The following ADAMTSL1 variants were observed in gnomAD, a reference collection of about 807,000 sequenced individuals.
The protein encoded by ADAMTSL1 is ADAMTS-like protein 1.
In ADAMTSL1, 126 loss-of-function variants were observed where a neutral mutation model predicts 201.8. That is an observed-to-expected ratio of 0.62 (90% confidence interval 0.54 to 0.72). ADAMTSL1 has a LOEUF of 0.72. Among genes scored for constraint, ADAMTSL1 ranks in the 30% least tolerant of loss-of-function variants. The pLI, the probability that ADAMTSL1 is intolerant of heterozygous loss-of-function variation, is 0.00. For synonymous variants in ADAMTSL1, 1,121 were observed against 903.4 expected (o/e 1.24, Z -4.32); for missense variants, 2,679 against 2,277.8 (o/e 1.18, Z -3.59).
chr9:18,751,353 G>A (rs1302526515), intron 15 of ADAMTSL1, among the ~76,000 whole-genome samples: 2 of 152,176 alleles, frequency 1.3e-5, no homozygotes, highest in African/African-American at 4.8e-5. Flanking sequence ...AAAGTGCAGA[G>A]GCTCTAGAGC....
At chr9:18,292,094 C>G (rs1025240134) in intron 2 of ADAMTSL1, among the ~76,000 whole-genome samples, 14 of 152,104 alleles carry the variant, frequency 9.2e-5, no homozygotes, top group African/African-American at 3.4e-4. Flanking sequence ...TGTGTCAGAG[C>G]AGTGTTAGGC....
At chr9:18,283,040 A>G (rs1832854015) in intron 2 of ADAMTSL1, among the ~76,000 whole-genome samples, 1 of 152,258 alleles carries the variant, frequency 6.6e-6, no homozygotes, top group Admixed American at 6.5e-5. Context: ...GTTGTTTAAA[A>G]GAAGAGAATT....
Position 18,617,661 on chromosome 9 carries a change from T to A in ADAMTSL1, c.475-4582T>A, listed in dbSNP as rs183880605. On this transcript the variant is annotated intron_variant, in intron 4 of 28. Transcript: ENST00000380548. ...ACACATATATGTATATAAGAGAGGG[T>A]ACAAAAAGCATACATTTAAGATATG... Among the ~76,000 whole-genome samples the A allele has an allele frequency of 2.6e-4, 39 of 152,138 alleles. No homozygotes were observed. In the East Asian group the frequency reaches 7.5e-3, roughly 29 times the overall value.
chr9:18,323,972 G>C (rs1326559537), intron 2 of ADAMTSL1, among the ~76,000 whole-genome samples: 6 of 152,084 alleles, frequency 3.9e-5, no homozygotes, highest in African/African-American at 1.4e-4. Flanking sequence ...ACATTGACAA[G>C]CTTATTTTGT....
intron 1 of ADAMTSL1, among the ~76,000 whole-genome samples, chr9:18,156,620 GCA>G (rs1235678985): frequency 7.6e-6 from 1 of 131,978 alleles, no homozygotes; most frequent in African/African-American, 2.7e-5. Context: ...AAGATTTAAA[GCA>G]CAGACATAAA....
chr9:17,972,578 G>T (rs1170934424), intron 1 of ADAMTSL1, among the ~76,000 whole-genome samples: 4 of 151,828 alleles, frequency 2.6e-5, no homozygotes, highest in Non-Finnish European at 5.9e-5. Flanking sequence ...GGACATTTAG[G>T]TTGGTTCCAA....
chr9:18,355,001 C>A (rs1461415122), intron 2 of ADAMTSL1, among the ~76,000 whole-genome samples: 3 of 151,982 alleles, frequency 2.0e-5, no homozygotes, highest in Non-Finnish European at 4.4e-5. Flanking sequence ...AACAAACAAA[C>A]AGACTAAGAA....
At chr9:18,901,845 G>C (rs1022223597) in intron 26 of ADAMTSL1, among the ~76,000 whole-genome samples, 1 of 152,036 alleles carries the variant, frequency 6.6e-6, no homozygotes, top group Non-Finnish European at 1.5e-5. Flanking sequence ...AACCCCCAAA[G>C]GCATAGATTG....
intron 21 of ADAMTSL1, among the ~76,000 whole-genome samples, chr9:18,819,919 A>G (rs1824106280): frequency 6.6e-6 from 1 of 152,250 alleles, no homozygotes; most frequent in African/African-American, 2.4e-5. Flanking sequence ...TATAATGCTA[A>G]ATGCCAAATG....
intron 15 of ADAMTSL1, among the ~76,000 whole-genome samples, chr9:18,742,711 C>A (rs1313162810): frequency 1.3e-5 from 2 of 151,826 alleles, no homozygotes; most frequent in African/African-American, 2.4e-5. Flanking sequence ...AGTGGCTGTG[C>A]CTGGCAGAAA....
intron 5 of ADAMTSL1, among the ~76,000 whole-genome samples, chr9:18,634,706 T>C (rs1375057327): frequency 6.6e-6 from 1 of 150,518 alleles, no homozygotes; most frequent in Non-Finnish European, 1.5e-5. Flanking sequence ...GGCGTGATGG[T>C]GGGCGCCTAT....
intron 1 of ADAMTSL1, among the ~76,000 whole-genome samples, chr9:18,019,598 C>T (rs368414607): frequency 1.3e-5 from 2 of 151,994 alleles, no homozygotes; most frequent in African/African-American, 4.8e-5. Flanking sequence ...AGCAGGAGCC[C>T]AAGGTAGAGA....
At chr9:18,621,177 T>C (rs1232930415) in intron 4 of ADAMTSL1, among the ~76,000 whole-genome samples, 1 of 152,162 alleles carries the variant, frequency 6.6e-6, no homozygotes, top group Non-Finnish European at 1.5e-5. Flanking sequence ...TCTTTCCATA[T>C]TTGATCTAAC....
chr9:18,280,769 C>T (rs1040984776), intron 2 of ADAMTSL1, among the ~76,000 whole-genome samples: 2 of 152,028 alleles, frequency 1.3e-5, no homozygotes, highest in African/African-American at 4.8e-5. Flanking sequence ...TTGCTAAATT[C>T]ACTTAATTGT....
intron 1 of ADAMTSL1, among the ~76,000 whole-genome samples, chr9:18,151,252 A>C (rs1378005325): frequency 6.6e-6 from 1 of 152,076 alleles, no homozygotes; most frequent in Non-Finnish European, 1.5e-5. Context: ...ACCTTTACAC[A>C]ACTGTAATGT....
At chr9:18,684,012 T>C (rs1219058649) in intron 12 of ADAMTSL1, among the ~76,000 whole-genome samples, 3 of 152,242 alleles carry the variant, frequency 2.0e-5, no homozygotes, top group African/African-American at 7.2e-5. Flanking sequence ...ATCTTGGCAG[T>C]TACTTCTGTA....
chr9:18,469,411 G>T (rs564479657), upstream of ADAMTSL1, among the ~76,000 whole-genome samples: 1 of 152,264 alleles, frequency 6.6e-6, no homozygotes, highest in Admixed American at 6.5e-5. Flanking sequence ...GCAAAGAACA[G>T]AATTTATTCT....
At chr9:18,638,001 G>C (rs187198337) in intron 6 of ADAMTSL1, among the ~76,000 whole-genome samples, 1 of 152,068 alleles carries the variant, frequency 6.6e-6, no homozygotes, top group Admixed American at 6.6e-5. Context: ...AGGAATGAAG[G>C]CTGGAGGAAG....
chr9:18,557,489 T>C (rs1821173862), intron 3 of ADAMTSL1, among the ~76,000 whole-genome samples: 1 of 151,996 alleles, frequency 6.6e-6, no homozygotes, highest in Admixed American at 6.6e-5. Flanking sequence ...AAAATGTTAC[T>C]AAAAGAGGTA....
Sources: allele counts gnomAD v4.1 joint callset (sites outside exome capture counted in the v4.1 genomes callset), GRCh38; gene constraint gnomAD v4.1.1; transcripts MANE v1.5; gene names NCBI Gene and HGNC (gene_info 2026-07-23, HGNC 2026-07-21).